Variants in FRMPD4 observed in about 807,000 individuals in gnomAD.
FRMPD4 encodes FERM and PDZ domain containing 4, also known as FERM and PDZ domain-containing protein 4.
In FRMPD4, 22 loss-of-function variants were observed where a neutral mutation model predicts 94.1. The observed-to-expected ratio is 0.23, with a 90% CI of 0.17 to 0.33. FRMPD4 has a LOEUF of 0.33. FRMPD4 is among the 10% of genes least tolerant of loss of function. FRMPD4 has a pLI of 1.00. For missense variants in FRMPD4, 1,111 were observed against 1,339.9 expected (o/e 0.83, Z 2.67); for synonymous variants, 631 against 548.6 (o/e 1.15, Z -2.10).
rs1485246893 is a variant in FRMPD4 at position 12,609,766 on chromosome X, C to T, written c.204C>T (p.Ser68=). The T allele has an allele frequency of 2.5e-6, 3 of 1,208,117 alleles. No individual in the cohort carries two copies. The South Asian group carries it at 5.3e-5, about 21-fold the overall frequency. The change falls in exon 3 of 17, where the codon AGC becomes AGT. Residue 68 remains serine (S), a synonymous_variant. Coordinates refer to ENST00000675598, the MANE Select transcript of FRMPD4 (RefSeq NM_001368397.1). ...CTTTTGACGACCCTCGGTTAGAGAG[C>T]TGCCAAATCATCCCTCCGGCTCCTC... is the stretch of plus-strand genomic sequence containing the variant. ...AIPFDDPRLE[S]CQIIPPAPRK...
chrX:12,410,127 C>T (rs1190758337), intron 1 of FRMPD4, among the ~76,000 whole-genome samples: 1 of 111,014 alleles, frequency 9.0e-6, no homozygotes, highest in African/African-American at 3.3e-5. Flanking sequence ...TTATCAGTTT[C>T]TGACACTTTA....
intron 2 of FRMPD4, among the ~76,000 whole-genome samples, chrX:12,555,777 G>A (rs2058589412): frequency 8.9e-6 from 1 of 112,127 alleles, no homozygotes; most frequent in African/African-American, 3.2e-5. Context: ...CTCTGTGGAT[G>A]GCTTGAAATT....
chrX:11,971,227 C>A (rs945219896), intron 3 of FRMPD4, among the ~76,000 whole-genome samples: 21 of 112,154 alleles, frequency 1.9e-4, no homozygotes, highest in Non-Finnish European at 3.2e-4. Context: ...TTGTTAGGGC[C>A]AGGGAAACAT....
Position 12,142,894 on chromosome X carries a change from G to A in FRMPD4, c.41+3882G>A, listed in dbSNP as rs190102117. 3.6e-5 allele frequency among the ~76,000 whole-genome samples: 4 copies of A among 111,869 alleles called. No homozygotes were observed. In the Admixed American group the frequency reaches 3.8e-4, roughly 11 times the overall value. ...AAACTTACTTGTACTTTAAATGCAT[G>A]ACCTGGAAAGTCTCACTTTCTGCTT... is the stretch of plus-strand genomic sequence containing the variant. On this transcript the variant is annotated intron_variant, in intron 1 of 16. Coordinates refer to ENST00000675598, the MANE Select transcript of FRMPD4 (RefSeq NM_001368397.1).
intron 3 of FRMPD4, among the ~76,000 whole-genome samples, chrX:12,113,259 A>G (rs2055381757): frequency 8.9e-6 from 1 of 112,343 alleles, no homozygotes; most frequent in East Asian, 2.8e-4. Flanking sequence ...GAAGTTATCT[A>G]TAGCCCCTTG....
rs2042257394 is a variant in FRMPD4 at position 12,722,412 on chromosome X, G to T, written c.*554G>T. The T allele has an allele frequency of 8.9e-6, 1 of 111,985 alleles. No homozygotes were observed. The highest frequency in any genetic ancestry group is 3.2e-5 in the African/African-American group (1 of 30,816). The allele number at this position is 111,985 out of a possible 1,213,427, so 9.2% of individuals were successfully genotyped here. ...GTAATAAATTAATTTTTTGCTCATAGTATTTGGTTACTGGATGCTTTCTTC... is the reference window on the plus strand; with the variant it reads ...GTAATAAATTAATTTTTTGCTCATATTATTTGGTTACTGGATGCTTTCTTC... On this transcript the variant is annotated 3_prime_UTR_variant, in exon 17 of 17. Coordinates refer to ENST00000675598, the MANE Select transcript of FRMPD4 (RefSeq NM_001368397.1).
intron 1 of FRMPD4, among the ~76,000 whole-genome samples, chrX:12,447,796 AAAC>A (rs1185444127): frequency 2.2e-4 from 25 of 112,349 alleles, no homozygotes; most frequent in African/African-American, 7.8e-4. Context: ...GTTATTATCA[AAAC>A]AACATACAAA....
intron 1 of FRMPD4, among the ~76,000 whole-genome samples, chrX:12,158,570 ATCC>A (rs2055972873): frequency 8.9e-6 from 1 of 112,251 alleles, no homozygotes; most frequent in African/African-American, 3.2e-5. Flanking sequence ...GTTAATCACT[ATCC>A]TCTTGATTTC....
intron 2 of FRMPD4, among the ~76,000 whole-genome samples, chrX:11,875,388 C>T (rs1202175321): frequency 8.9e-6 from 1 of 111,741 alleles, no homozygotes; most frequent in East Asian, 2.8e-4. Context: ...TAGTAAGAAA[C>T]GAGCATTTCC....
Position 12,524,406 on chromosome X carries a change from C to G in FRMPD4, c.158+25610C>G, listed in dbSNP as rs187373974. 8.5e-4 allele frequency among the ~76,000 whole-genome samples: 95 copies of G among 111,593 alleles called. 1 individual carries two copies. Among genetic ancestry groups the G allele is most frequent in the Admixed American group, 8.4e-3 (88 of 10,516 alleles). Reference sequence around the variant, plus strand: ...TCTGTTGGGGCCTACTGCAGGAGCTCAGTCCAAAACAATGGCCTCCTATAA... The same window carrying G: ...TCTGTTGGGGCCTACTGCAGGAGCTGAGTCCAAAACAATGGCCTCCTATAA... On this transcript the variant is annotated intron_variant, in intron 2 of 16. Transcript: ENST00000675598.
At chrX:12,098,376 T>C (rs1219137065) in intron 3 of FRMPD4, among the ~76,000 whole-genome samples, 1 of 111,667 alleles carries the variant, frequency 9.0e-6, no homozygotes, top group Non-Finnish European at 1.9e-5. Context: ...TAAAAAAACA[T>C]GTCAAGAAAG....
chrX:12,680,888 G>C (rs542510262), intron 5 of FRMPD4, among the ~76,000 whole-genome samples: 2 of 110,523 alleles, frequency 1.8e-5, no homozygotes, highest in South Asian at 8.2e-4. Context: ...TAGTAAATAT[G>C]GGGCTATTTA....
chrX:12,480,915 GT>G (rs1406232011), intron 1 of FRMPD4, among the ~76,000 whole-genome samples: 1 of 112,013 alleles, frequency 8.9e-6, no homozygotes, highest in Non-Finnish European at 1.9e-5. Context: ...TTTTGCACTT[GT>G]TTGTTGTGAA....
chrX:12,231,802 C>T (rs1313646223), intron 1 of FRMPD4, among the ~76,000 whole-genome samples: 1 of 111,430 alleles, frequency 9.0e-6, no homozygotes, highest in African/African-American at 3.3e-5. Context: ...CCATTACTTC[C>T]CACTTCATGA....
At chrX:12,578,218 T>C (rs1256443729) in intron 2 of FRMPD4, among the ~76,000 whole-genome samples, 1 of 112,617 alleles carries the variant, frequency 8.9e-6, no homozygotes, top group Non-Finnish European at 1.9e-5. Flanking sequence ...CACAATTCAG[T>C]CCACAGCACT....
intron 1 of FRMPD4, among the ~76,000 whole-genome samples, chrX:12,463,726 A>G (rs1361348683): frequency 5.3e-5 from 5 of 94,058 alleles, no homozygotes; most frequent in Admixed American, 1.3e-4. Flanking sequence ...AGCATGAAAT[A>G]AGGGTGTGAG....
At chrX:11,958,789 C>A (rs182968940) in intron 3 of FRMPD4, among the ~76,000 whole-genome samples, 2 of 112,222 alleles carry the variant, frequency 1.8e-5, no homozygotes, top group East Asian at 5.6e-4. Flanking sequence ...TCATATCACA[C>A]TAATATACTT....
chrX:11,860,852 TC>T (rs1181905280), intron 1 of FRMPD4, among the ~76,000 whole-genome samples: 1 of 111,948 alleles, frequency 8.9e-6, no homozygotes, highest in Non-Finnish European at 1.9e-5. Context: ...TTCCTTATTA[TC>T]CTGGGAGATG....
chrX:12,475,253 A>C (rs2057579126), intron 1 of FRMPD4, among the ~76,000 whole-genome samples: 1 of 112,098 alleles, frequency 8.9e-6, no homozygotes, highest in African/African-American at 3.2e-5. Flanking sequence ...CCTTCGACAA[A>C]ATTCGACAGC....
Sources: allele counts gnomAD v4.1 joint callset (sites outside exome capture counted in the v4.1 genomes callset), GRCh38; gene constraint gnomAD v4.1.1; transcripts MANE v1.5; gene names NCBI Gene and HGNC (gene_info 2026-07-23, HGNC 2026-07-21).